ATP10A: variants seen among roughly 807,000 people sequenced by gnomAD.
The protein encoded by ATP10A is ATPase phospholipid transporting 10A (putative), also known as phospholipid-transporting ATPase VA.
In ATP10A, 111 loss-of-function variants were observed where a neutral mutation model predicts 147.8. The ratio of observed to expected loss-of-function variants is 0.75; its 90% CI spans 0.64 to 0.88. ATP10A has a LOEUF of 0.88. ATP10A is among the 40% of genes least tolerant of loss of function. The pLI is 0.00. For missense variants in ATP10A, 1,927 were observed against 1,959.0 expected (o/e 0.98, Z 0.31); for synonymous variants, 875 against 841.6 (o/e 1.04, Z -0.69).
downstream of ATP10A, among the ~76,000 whole-genome samples, chr15:25,674,849 G>GA (rs1233629767): frequency 6.6e-6 from 1 of 152,226 alleles, no homozygotes; most frequent in African/African-American, 2.4e-5. Context: ...GAAATGGGAG[G>GA]ACAGCCCGGG....
chr15:25,839,311 A>G (rs115023246), intron 1 of ATP10A, among the ~76,000 whole-genome samples: 3,486 of 152,320 alleles, frequency 0.023, 89 homozygotes, highest in African/African-American at 0.061. Flanking sequence ...TGGTATTTCC[A>G]GGAGTTAATG....
At chr15:25,727,360 A>G in intron 3 of ATP10A, 94 bp from the exon 4 acceptor site, 2 of 1,132,884 alleles carry the variant, frequency 1.8e-6, no homozygotes, top group Non-Finnish European at 2.6e-6. Context: ...CCCTGACACA[A>G]TGAAAGCTTG....
chr15:25,766,085 C>T (rs1455333448), intron 2 of ATP10A, among the ~76,000 whole-genome samples: 1 of 152,218 alleles, frequency 6.6e-6, no homozygotes, highest in Non-Finnish European at 1.5e-5. Flanking sequence ...GCACTTCTTA[C>T]ATGGTGGCGG....
chr15:25,800,527 C>T (rs560316333), intron 1 of ATP10A, among the ~76,000 whole-genome samples: 1 of 152,338 alleles, frequency 6.6e-6, no homozygotes, highest in Admixed American at 6.5e-5. Flanking sequence ...CACGCTCCTT[C>T]ACTCCACGCG....
At chr15:25,780,338 C>T (rs1000827898) in intron 2 of ATP10A, among the ~76,000 whole-genome samples, 1 of 152,244 alleles carries the variant, frequency 6.6e-6, no homozygotes, top group Admixed American at 6.5e-5. Context: ...GGAGAAGGCT[C>T]GGGCCAGGCC....
chr15:25,860,915 T>TA (rs1893730170), intron 1 of ATP10A, among the ~76,000 whole-genome samples: 1 of 152,236 alleles, frequency 6.6e-6, no homozygotes, highest in Non-Finnish European at 1.5e-5. Flanking sequence ...CTACAGGAGT[T>TA]ACGGGCTCAG....
chr15:25,726,934 G>A (rs1391124436), intron 4 of ATP10A, among the ~76,000 whole-genome samples: 2 of 150,426 alleles, frequency 1.3e-5, no homozygotes, highest in African/African-American at 4.9e-5. Flanking sequence ...GCGGGCGCCT[G>A]TAGTCCCAGC....
chr15:25,705,625 TCA>T (rs1900953560), intron 12 of ATP10A, among the ~76,000 whole-genome samples: 1 of 152,114 alleles, frequency 6.6e-6, no homozygotes, highest in Admixed American at 6.5e-5. Context: ...ACTCTCCAGC[TCA>T]GGCCTCGTCA....
downstream of ATP10A, among the ~76,000 whole-genome samples, chr15:25,673,380 C>T (rs929188941): frequency 2.0e-5 from 3 of 152,178 alleles, no homozygotes; most frequent in East Asian, 1.9e-4. Context: ...CTGCTGCTCC[C>T]GTGCAGCAGC....
chr15:25,797,267 T>A (rs1890715096), intron 1 of ATP10A, among the ~76,000 whole-genome samples: 1 of 152,206 alleles, frequency 6.6e-6, no homozygotes, highest in East Asian at 1.9e-4. Flanking sequence ...GTTCTCCAGG[T>A]TCATCTGTGC....
At chr15:25,768,542 T>C (rs1200380283) in intron 2 of ATP10A, among the ~76,000 whole-genome samples, 393 of 11,466 alleles carry the variant, frequency 0.034, 1 homozygote, top group African/African-American at 0.076. Context: ...CTCTCTCTCT[T>C]TTTTTTTTTT....
At chr15:25,757,447 T>G (rs1888478080) in intron 2 of ATP10A, among the ~76,000 whole-genome samples, 1 of 152,124 alleles carries the variant, frequency 6.6e-6, no homozygotes, top group Non-Finnish European at 1.5e-5. Flanking sequence ...AGATGTGTTT[T>G]TGGTGAGAAA....
intron 1 of ATP10A, among the ~76,000 whole-genome samples, chr15:25,820,473 C>A (rs1254230481): frequency 6.6e-6 from 1 of 152,096 alleles, no homozygotes; most frequent in East Asian, 1.9e-4. Context: ...GCAATCCCAA[C>A]TAAAACTCCA....
intron 2 of ATP10A, among the ~76,000 whole-genome samples, chr15:25,743,442 A>T (rs796407131): frequency 4.6e-5 from 7 of 152,354 alleles, no homozygotes; most frequent in African/African-American, 1.7e-4. Flanking sequence ...GGTATGAAGG[A>T]TTTAACAAGA....
intron 1 of ATP10A, among the ~76,000 whole-genome samples, chr15:25,791,343 A>G (rs10220769): frequency 0.65 from 98,857 of 151,406 alleles, 32,582 homozygotes; most frequent in East Asian, 0.81. Context: ...TTCCCCTTCA[A>G]TCTTTCTTTT....
At chr15:25,690,983 C>T (rs1900002875) in intron 15 of ATP10A, among the ~76,000 whole-genome samples, 1 of 152,246 alleles carries the variant, frequency 6.6e-6, no homozygotes, top group Non-Finnish European at 1.5e-5. Context: ...GAGCTCTGCA[C>T]AGGCCTGACA....
In ATP10A at chr15:25,687,713, TAGA is replaced by T. The variant is rs968957066; in HGVS notation, c.3278_3280del (p.Phe1093del). 6 of 1,594,226 alleles carry T rather than the reference TAGA, an allele frequency of 3.8e-6. No individual in the cohort carries two copies. The highest frequency in any genetic ancestry group is 1.7e-5 in the Admixed American group (1 of 58,508). On this transcript the variant is annotated inframe_deletion, in exon 16 of 21. Transcript: ENST00000555815. ...GTATCCAATACCTACTGTGTTTTTGTAGAAGAAGTACAGCACCATGTTGGCAAG... is the reference window on the plus strand; with the variant it reads ...GTATCCAATACCTACTGTGTTTTTGTAGAAGTACAGCACCATGTTGGCAAG...
In ATP10A at chr15:25,708,041, A is replaced by T; in HGVS notation, c.2510T>A (p.Leu837Gln). 1.2e-6 allele frequency: 2 copies of T among 1,614,146 alleles called. No individual in the cohort carries two copies. The highest frequency in any genetic ancestry group is 1.7e-5 in the Admixed American group (1 of 60,026). Residue 837 changes from leucine (L) to glutamine (Q), a missense_variant, in exon 12 of 21, where the codon CTG (leucine) becomes CAG (glutamine). By Grantham distance (113) the Leu-to-Gln change is moderately radical. Transcript: ENST00000555815. ...GAAGAGGAGCTCCTCGCTGTTTTCC[A>T]GGGAGGATTCGGCTTCTAGGTGGCT... The part of the protein sequence containing the change: ...LQSHLEAESS[L>Q]ENSEELLFQS...
At chr15:25,820,920 G>T (rs1415204406) in intron 1 of ATP10A, among the ~76,000 whole-genome samples, 1 of 152,076 alleles carries the variant, frequency 6.6e-6, no homozygotes, top group Non-Finnish European at 1.5e-5. Flanking sequence ...ATATTGGAAG[G>T]TATGCAAGTT....
Sources: allele counts gnomAD v4.1 joint callset (sites outside exome capture counted in the v4.1 genomes callset), GRCh38; gene constraint gnomAD v4.1.1; transcripts MANE v1.5; gene names NCBI Gene and HGNC (gene_info 2026-07-23, HGNC 2026-07-21).